RPS6KC1: variants seen among roughly 807,000 people sequenced by gnomAD.
RPS6KC1 encodes inactive ribosomal protein S6 kinase delta-1.
RPS6KC1 carries 54 observed loss-of-function variants against 103.8 expected under a neutral mutation model. The ratio of observed to expected loss-of-function variants is 0.52; its 90% CI spans 0.42 to 0.65. RPS6KC1 has a LOEUF of 0.65. Ranked by LOEUF, RPS6KC1 falls within the 30% of genes least tolerant of loss-of-function variation. The pLI is 0.00. For missense variants in RPS6KC1, 1,151 were observed against 1,253.8 expected (o/e 0.92, Z 1.24); for synonymous variants, 439 against 438.7 (o/e 1.00, Z -0.01).
At chr1:213,718,992 G>A in the RPS6KC1 span, among the ~76,000 whole-genome samples, 1 of 152,204 alleles carries the variant, frequency 6.6e-6, no homozygotes, top group Non-Finnish European at 1.5e-5. Flanking sequence ...CTGACTTGTA[G>A]AGAAAACAAA....
At chr1:213,162,907 G>T (rs541247852) in intron 6 of RPS6KC1, among the ~76,000 whole-genome samples, 1 of 152,272 alleles carries the variant, frequency 6.6e-6, no homozygotes, top group South Asian at 2.1e-4. Context: ...ACATTAATAG[G>T]GGGTTGACTA....
chr1:213,770,057 C>T, the RPS6KC1 span, among the ~76,000 whole-genome samples: 6 of 152,194 alleles, frequency 3.9e-5, no homozygotes, highest in African/African-American at 7.2e-5. Flanking sequence ...ACTGCTTGCC[C>T]GGCCACAACC....
chr1:213,572,822 C>G, the RPS6KC1 span, among the ~76,000 whole-genome samples: 1 of 152,092 alleles, frequency 6.6e-6, no homozygotes, highest in East Asian at 1.9e-4. Context: ...AGTGAGTGGC[C>G]GCACTAGGAA....
chr1:213,148,143 G>A (rs1324516108), intron 6 of RPS6KC1, among the ~76,000 whole-genome samples: 1 of 152,166 alleles, frequency 6.6e-6, no homozygotes, highest in East Asian at 1.9e-4. Flanking sequence ...TGCAAACAAG[G>A]ATAATTTGAC....
chr1:213,246,170 G>A (rs1573571670), intron 12 of RPS6KC1, among the ~76,000 whole-genome samples: 2 of 152,122 alleles, frequency 1.3e-5, no homozygotes, highest in East Asian at 3.9e-4. Flanking sequence ...CAAAGTAGAA[G>A]CCATTCCTTT....
chr1:213,308,889 TGCA>T, the RPS6KC1 span, among the ~76,000 whole-genome samples: 1 of 152,190 alleles, frequency 6.6e-6, no homozygotes, highest in Non-Finnish European at 1.5e-5. Context: ...CTGCAAATCT[TGCA>T]GAAGACCTCA....
chr1:213,217,753 C>CA (rs1259085315), intron 8 of RPS6KC1, among the ~76,000 whole-genome samples: 1 of 152,160 alleles, frequency 6.6e-6, no homozygotes, highest in African/African-American at 2.4e-5. Flanking sequence ...AGCATATAAA[C>CA]AGAACCAATG....
chr1:213,457,707 G>A, the RPS6KC1 span, among the ~76,000 whole-genome samples: 2 of 152,130 alleles, frequency 1.3e-5, no homozygotes, highest in African/African-American at 4.8e-5. Context: ...AACTTAATTG[G>A]CAACAGAATG....
At chr1:213,569,258 T>G in the RPS6KC1 span, among the ~76,000 whole-genome samples, 1 of 152,180 alleles carries the variant, frequency 6.6e-6, no homozygotes, top group Admixed American at 6.5e-5. Context: ...TAGCTCTCCC[T>G]TAGGTCTGTC....
At chr1:213,409,489 GA>G in the RPS6KC1 span, among the ~76,000 whole-genome samples, 3 of 151,744 alleles carry the variant, frequency 2.0e-5, no homozygotes, top group Admixed American at 6.6e-5. Flanking sequence ...CACAGAGGCA[GA>G]AAAAAAACAT....
At chr1:213,339,784 G>A in the RPS6KC1 span, among the ~76,000 whole-genome samples, 1 of 152,192 alleles carries the variant, frequency 6.6e-6, no homozygotes, top group Non-Finnish European at 1.5e-5. Context: ...GTGATGTGGA[G>A]GTCCCAGGAC....
At chr1:213,260,492 G>T (rs937052990) in intron 12 of RPS6KC1, among the ~76,000 whole-genome samples, 11 of 152,246 alleles carry the variant, frequency 7.2e-5, no homozygotes, top group African/African-American at 2.6e-4. Context: ...TTGTAAGTTT[G>T]GGGTTCTCCC....
At chr1:213,670,457 T>C in the RPS6KC1 span, among the ~76,000 whole-genome samples, 59,693 of 152,092 alleles carry the variant, frequency 0.39, 14,080 homozygotes, top group South Asian at 0.7. Flanking sequence ...AAAATGAAAG[T>C]GTTCTCTTGA....
chr1:213,089,640 T>C (rs1226035323), intron 3 of RPS6KC1, among the ~76,000 whole-genome samples: 1 of 152,114 alleles, frequency 6.6e-6, no homozygotes, highest in Non-Finnish European at 1.5e-5. Context: ...TTTTGTATTT[T>C]TAGCAGAGAC....
chr1:213,102,416 GTTC>G (rs2082096237), intron 3 of RPS6KC1, among the ~76,000 whole-genome samples: 1 of 152,142 alleles, frequency 6.6e-6, no homozygotes, highest in Non-Finnish European at 1.5e-5. Flanking sequence ...CCACTTCTTG[GTTC>G]TTCTTGAAAG....
chr1:213,142,359 A>C (rs970230970), intron 6 of RPS6KC1, among the ~76,000 whole-genome samples: 2 of 152,104 alleles, frequency 1.3e-5, no homozygotes, highest in Admixed American at 6.6e-5. Context: ...TGGGGCATTT[A>C]ATCTGTTTAT....
At chr1:213,152,368 G>T (rs563982120) in intron 6 of RPS6KC1, among the ~76,000 whole-genome samples, 31 of 146,082 alleles carry the variant, frequency 2.1e-4, no homozygotes, top group African/African-American at 5.9e-4. Context: ...GCGGCTGATG[G>T]GGCGGGGGGC....
the RPS6KC1 span, among the ~76,000 whole-genome samples, chr1:213,678,054 A>C: frequency 1.3e-5 from 2 of 152,004 alleles, no homozygotes; most frequent in African/African-American, 2.4e-5. Flanking sequence ...CCTAACGAGG[A>C]ATGTTTAATT....
rs775262388 is a variant in RPS6KC1, at chr1:213,222,301, T to A, written c.1045-8196T>A. Among the ~76,000 whole-genome samples the A allele has an allele frequency of 3.8e-4, 58 of 152,224 alleles. 1 individual carries two copies. The highest frequency in any genetic ancestry group is 7.1e-4 in the Non-Finnish European group (48 of 68,044). ...GGGTACCTTATATACTTTTCTCAATTGAAAATGTATCCTTGAGAGTAATAG... is the reference window on the plus strand; with the variant it reads ...GGGTACCTTATATACTTTTCTCAATAGAAAATGTATCCTTGAGAGTAATAG... On this transcript the variant is annotated intron_variant, in intron 8 of 14. Transcript: ENST00000366960.
Sources: allele counts gnomAD v4.1 joint callset (sites outside exome capture counted in the v4.1 genomes callset), GRCh38; gene constraint gnomAD v4.1.1; transcripts MANE v1.5; gene names NCBI Gene and HGNC (gene_info 2026-07-23, HGNC 2026-07-21).